The following CNNM2 variants were observed in gnomAD, a reference collection of about 807,000 sequenced individuals.
CNNM2 encodes cyclin and CBS domain divalent metal cation transport mediator 2.
CNNM2 carries 12 observed loss-of-function variants against 66.9 expected under a neutral mutation model. The ratio of observed to expected loss-of-function variants is 0.18; its 90% CI spans 0.11 to 0.29. The LOEUF is 0.29. CNNM2 is among the 10% of genes least tolerant of loss of function. CNNM2 has a pLI of 1.00. For missense variants in CNNM2, 705 were observed against 1,167.7 expected, an observed-to-expected ratio of 0.60 and a Z score of 5.77; for synonymous variants, 557 against 501.8, an observed-to-expected ratio of 1.11 and a Z score of -1.47.
chr10:103,021,730 G>A (rs570965480), intron 1 of CNNM2, among the ~76,000 whole-genome samples: 3 of 150,578 alleles, frequency 2.0e-5, no homozygotes, highest in Non-Finnish European at 4.4e-5. Context: ...AACATTGTCG[G>A]TGTTCTCCTT....
At chr10:103,040,973 A>C (rs975235522) in intron 1 of CNNM2, among the ~76,000 whole-genome samples, 2 of 152,132 alleles carry the variant, frequency 1.3e-5, no homozygotes, top group Non-Finnish European at 2.9e-5. Flanking sequence ...GCTGTCCCCC[A>C]GTTATCATGA....
At chr10:103,076,866 C>A (rs1481000876) in intron 7 of CNNM2, 105 bp from the exon 8 acceptor site, 38 of 1,023,788 alleles carry the variant, frequency 3.7e-5, no homozygotes, top group Admixed American at 1.5e-4. Context: ...TGATTTTCTC[C>A]TAGAGAGGCT....
rs536839585 is a variant in CNNM2 at position 103,053,320 on chromosome 10, G to A, written c.1766-1009G>A. ...GCTTGAGCCCAGGAGTTCAATACCA[G>A]CCTGGGTAACATAGTGAGACTCTGT... On this transcript the variant is annotated intron_variant, in intron 2 of 7. Coordinates refer to ENST00000369878, the MANE Select transcript of CNNM2 (RefSeq NM_017649.5). 3.3e-5 allele frequency among the ~76,000 whole-genome samples: 5 copies of A among 152,220 alleles called. No homozygotes were observed. The East Asian group carries it at 7.7e-4, about 24-fold the overall frequency.
intron 1 of CNNM2, among the ~76,000 whole-genome samples, chr10:103,039,309 G>A (rs577679118): frequency 1.3e-5 from 2 of 152,186 alleles, no homozygotes; most frequent in South Asian, 4.2e-4. Context: ...GCTAATTTTT[G>A]TATTTTTAGT....
At chr10:103,057,253 A>G (rs1223095866) in intron 4 of CNNM2, among the ~76,000 whole-genome samples, 1 of 152,148 alleles carries the variant, frequency 6.6e-6, no homozygotes, top group African/African-American at 2.4e-5. Flanking sequence ...GGATTGCTTG[A>G]GGCCAGAAGT....
intron 1 of CNNM2, among the ~76,000 whole-genome samples, chr10:103,045,565 C>T (rs2065113593): frequency 6.6e-6 from 1 of 152,024 alleles, no homozygotes; most frequent in Non-Finnish European, 1.5e-5. Context: ...GTTAACTAAA[C>T]TTTATTTAAA....
intron 1 of CNNM2, among the ~76,000 whole-genome samples, chr10:102,955,647 G>GA (rs1419787908): frequency 4.6e-5 from 7 of 152,038 alleles, no homozygotes; most frequent in African/African-American, 7.2e-5. Context: ...CTAATATCCA[G>GA]AATCTACAAA....
chr10:102,996,287 A>C (rs952828360), intron 1 of CNNM2, among the ~76,000 whole-genome samples: 2 of 150,250 alleles, frequency 1.3e-5, no homozygotes, highest in African/African-American at 2.5e-5. Context: ...CAGTGCCTCT[A>C]CCTTTTTATT....
intron 1 of CNNM2, among the ~76,000 whole-genome samples, chr10:103,049,410 T>G (rs1283643203): frequency 6.6e-6 from 1 of 152,190 alleles, no homozygotes; most frequent in Non-Finnish European, 1.5e-5. Flanking sequence ...CCACTCTCTT[T>G]AGGTGGCAGT....
At position 103,011,773 on chromosome 10, in the gene CNNM2, C is replaced by T. The variant is rs368734117; in HGVS notation, c.1622-37934C>T. Among the ~76,000 whole-genome samples the T allele has an allele frequency of 1.6e-4, 24 of 151,804 alleles. No individual in the cohort carries two copies. In the East Asian group the frequency reaches 4.7e-3, roughly 30 times the overall value. The stretch of plus-strand genomic sequence containing the variant: ...GCGTGATCTTGGCTCACTGCAACCT[C>T]TGCCTCCCAGGTTCGTTCAAGCGAT... On this transcript the variant is annotated intron_variant, in intron 1 of 7. Coordinates refer to ENST00000369878, the MANE Select transcript of CNNM2 (RefSeq NM_017649.5).
At chr10:102,990,733 A>G (rs1351546313) in intron 1 of CNNM2, among the ~76,000 whole-genome samples, 1 of 152,166 alleles carries the variant, frequency 6.6e-6, no homozygotes, top group Non-Finnish European at 1.5e-5. Context: ...CAATTTTGAT[A>G]TTCTTTCCAT....
At position 102,981,970 on chromosome 10, in the gene CNNM2, A is replaced by G. The variant is rs1254826225; in HGVS notation, c.1621+61869A>G. Among the ~76,000 whole-genome samples, 2 of 151,838 alleles carry G rather than the reference A, an allele frequency of 1.3e-5. No homozygotes were observed. The highest frequency in any genetic ancestry group is 6.6e-5 in the Admixed American group (1 of 15,212). ...GGTCTAGCCAAGGTGTGCTTTTCTCATGGTAACAGTGGAGGGCAAATGGAA... is the reference window on the plus strand; with the variant it reads ...GGTCTAGCCAAGGTGTGCTTTTCTCGTGGTAACAGTGGAGGGCAAATGGAA... On this transcript the variant is annotated intron_variant, in intron 1 of 7. Transcript: ENST00000369878.
chr10:102,921,259 GT>G (rs1845624264), intron 1 of CNNM2: 1 of 159,220 alleles, frequency 6.3e-6, no homozygotes, highest in East Asian at 1.9e-4. Flanking sequence ...GTAACCTTTC[GT>G]GACCTGATAG....
intron 1 of CNNM2, among the ~76,000 whole-genome samples, chr10:102,996,662 A>AAAC (rs2134249496): frequency 6.6e-6 from 1 of 152,366 alleles, no homozygotes; most frequent in South Asian, 2.1e-4. Flanking sequence ...CCAGCCTGGG[A>AAAC]AACAGAGCAA....
intron 1 of CNNM2, among the ~76,000 whole-genome samples, chr10:102,990,639 G>A (rs994633756): frequency 1.3e-5 from 2 of 152,148 alleles, no homozygotes; most frequent in Non-Finnish European, 2.9e-5. Flanking sequence ...AGGGGTGGGC[G>A]TAGAATGAGC....
intron 4 of CNNM2, among the ~76,000 whole-genome samples, chr10:103,065,644 A>G (rs1416655594): frequency 6.6e-6 from 1 of 152,162 alleles, no homozygotes; most frequent in Non-Finnish European, 1.5e-5. Context: ...ATAACTGGAG[A>G]CACCCAGGAA....
intron 1 of CNNM2, among the ~76,000 whole-genome samples, chr10:102,953,148 A>G (rs1846903161): frequency 6.6e-6 from 1 of 152,254 alleles, no homozygotes; most frequent in Non-Finnish European, 1.5e-5. Flanking sequence ...ATTACAGGAA[A>G]TAAAATTTTA....
Position 103,089,687 on chromosome 10 carries a change from CTCCTCCTCTTCA to C in CNNM2, c.*12510_*12521del. On this transcript the variant is annotated 3_prime_UTR_variant, in exon 8 of 8. Coordinates refer to ENST00000369878, the MANE Select transcript of CNNM2 (RefSeq NM_017649.5). ...GTTTTCCTCCTTATTCTTCCTCCTC[CTCCTCCTCTTCA>C]TCATCATCTTCGTCATGGCAGTGTG... 6.2e-7 allele frequency: 1 copy of C among 1,606,668 alleles called. No homozygotes were observed. Among genetic ancestry groups the C allele is most frequent in the Non-Finnish European group, 8.5e-7 (1 of 1,176,346 alleles).
chr10:103,076,336 C>G, intron 7 of CNNM2, 66 bp downstream of exon 7: 1 of 1,492,388 alleles, frequency 6.7e-7, no homozygotes, highest in South Asian at 1.2e-5. Flanking sequence ...GGCAAATTGT[C>G]TGTTTTGCTC....
Sources: gnomAD v4.1 joint callset for allele counts (sites outside exome capture counted in the v4.1 genomes callset) on GRCh38, gnomAD v4.1.1 for gene constraint, MANE v1.5 for transcripts, NCBI Gene and HGNC (gene_info 2026-07-23, HGNC 2026-07-21) for gene names.